Variants in LAMA2 observed in about 807,000 individuals in gnomAD.
LAMA2 encodes the protein laminin subunit alpha 2.
A neutral mutation model predicts 364.8 loss-of-function variants in LAMA2; 269 were observed. The ratio of observed to expected loss-of-function variants is 0.74; its 90% CI spans 0.67 to 0.82. The LOEUF (loss-of-function observed/expected upper bound fraction) is 0.82. LAMA2 is among the 40% of genes least tolerant of loss of function. LAMA2 has a pLI of 0.00. For missense variants in LAMA2, 3,807 were observed against 3,873.2 expected (o/e 0.98, Z 0.45); for synonymous variants, 1,379 against 1,370.6 (o/e 1.01, Z -0.14).
chr6:129,429,267 CTT>C (rs1245828628), intron 41 of LAMA2, among the ~76,000 whole-genome samples: 1 of 152,110 alleles, frequency 6.6e-6, no homozygotes, highest in Non-Finnish European at 1.5e-5. Flanking sequence ...ATTTTTAAAA[CTT>C]TTTTATTGAT....
At chr6:128,908,560 A>G (rs1777661060) in intron 1 of LAMA2, among the ~76,000 whole-genome samples, 1 of 138,268 alleles carries the variant, frequency 7.2e-6, no homozygotes, top group Non-Finnish European at 1.6e-5. Context: ...CGGTCTATCA[A>G]TTTTGTTGAT....
intron 1 of LAMA2, among the ~76,000 whole-genome samples, chr6:128,980,432 C>T (rs9492172): frequency 0.16 from 25,058 of 152,064 alleles, 3,078 homozygotes; most frequent in African/African-American, 0.34. Context: ...TTGTAGGGTA[C>T]GCACGTGACC....
intron 31 of LAMA2, among the ~76,000 whole-genome samples, chr6:129,352,624 T>C (rs1238988512): frequency 6.6e-6 from 1 of 152,156 alleles, no homozygotes; most frequent in Non-Finnish European, 1.5e-5. Context: ...GAAGTCAATA[T>C]AGAATTGCAC....
intron 41 of LAMA2, among the ~76,000 whole-genome samples, chr6:129,430,040 A>T (rs1394412615): frequency 6.6e-6 from 1 of 152,202 alleles, no homozygotes; most frequent in Admixed American, 6.5e-5. Context: ...TCAAGTAATA[A>T]TTCCTCTAGA....
chr6:128,961,611 C>T (rs1194511009), intron 1 of LAMA2, among the ~76,000 whole-genome samples: 1 of 148,246 alleles, frequency 6.7e-6, no homozygotes, highest in Non-Finnish European at 1.5e-5. Context: ...GCCAGTCTCT[C>T]CTTTTCACAT....
At chr6:129,219,788 G>A (rs937317598) in intron 12 of LAMA2, among the ~76,000 whole-genome samples, 6 of 122,760 alleles carry the variant, frequency 4.9e-5, no homozygotes, top group East Asian at 2.7e-4. Flanking sequence ...GAGAACACAT[G>A]GACACAGGAA....
intron 4 of LAMA2, among the ~76,000 whole-genome samples, chr6:129,128,080 A>G (rs1021111932): frequency 9.2e-5 from 14 of 152,156 alleles, no homozygotes; most frequent in African/African-American, 2.9e-4. Context: ...ACCCAGATCA[A>G]TGTCATATAC....
intron 1 of LAMA2, among the ~76,000 whole-genome samples, chr6:128,957,999 G>A (rs1289913941): frequency 1.3e-5 from 2 of 151,874 alleles, no homozygotes; most frequent in Admixed American, 6.6e-5. Flanking sequence ...ATTCCAGTAG[G>A]TTCTTAATAG....
chr6:129,433,525 C>G (rs1409661166), intron 41 of LAMA2, among the ~76,000 whole-genome samples: 2 of 152,088 alleles, frequency 1.3e-5, no homozygotes, highest in Non-Finnish European at 2.9e-5. Flanking sequence ...TGAATTTCAC[C>G]CTTGTGAATG....
At chr6:129,167,691 T>G (rs1029221624) in intron 9 of LAMA2, among the ~76,000 whole-genome samples, 1 of 152,200 alleles carries the variant, frequency 6.6e-6, no homozygotes, top group East Asian at 1.9e-4. Context: ...ATGGGATGGC[T>G]GGGTCAAAGG....
At chr6:129,354,695 A>T (rs1219552458) in intron 32 of LAMA2, among the ~76,000 whole-genome samples, 1 of 152,180 alleles carries the variant, frequency 6.6e-6, no homozygotes, top group African/African-American at 2.4e-5. Flanking sequence ...TGTTAAGCAC[A>T]AAAATTAAAC....
chr6:129,178,856 T>G (rs1457381319), intron 10 of LAMA2, among the ~76,000 whole-genome samples: 1 of 151,954 alleles, frequency 6.6e-6, no homozygotes, highest in East Asian at 1.9e-4. Context: ...GGGACAAGAA[T>G]GTCTGGAAAT....
At chr6:129,313,681 A>T (rs1448323938) in intron 23 of LAMA2, among the ~76,000 whole-genome samples, 3 of 152,212 alleles carry the variant, frequency 2.0e-5, no homozygotes, top group African/African-American at 7.2e-5. Context: ...TTCCCCTCAG[A>T]TAGTTCTGAA....
At chr6:129,155,538 T>C (rs1779061753) in intron 8 of LAMA2, among the ~76,000 whole-genome samples, 1 of 152,106 alleles carries the variant, frequency 6.6e-6, no homozygotes, top group African/African-American at 2.4e-5. Flanking sequence ...CTAAATATTT[T>C]TTTATCCTAA....
intron 4 of LAMA2, among the ~76,000 whole-genome samples, chr6:129,133,529 G>A (rs1315183264): frequency 6.6e-6 from 1 of 152,116 alleles, no homozygotes; most frequent in Non-Finnish European, 1.5e-5. Flanking sequence ...GAGTTGGTAG[G>A]CAAGTGTCAG....
intron 1 of LAMA2, among the ~76,000 whole-genome samples, chr6:129,007,481 C>G (rs991027500): frequency 2.0e-5 from 3 of 152,136 alleles, no homozygotes; most frequent in Non-Finnish European, 2.9e-5. Context: ...AAATTGCTTT[C>G]AAAATGTAAA....
chr6:129,121,489 G>A (rs1277164445), intron 4 of LAMA2, among the ~76,000 whole-genome samples: 1 of 152,074 alleles, frequency 6.6e-6, no homozygotes, highest in Non-Finnish European at 1.5e-5. Context: ...TGTATCTTCT[G>A]TGTGTTTTCA....
intron 4 of LAMA2, among the ~76,000 whole-genome samples, chr6:129,127,479 A>G (rs372042488): frequency 7.2e-5 from 11 of 152,206 alleles, no homozygotes; most frequent in Non-Finnish European, 1.6e-4. Flanking sequence ...TGCAGTGAAC[A>G]TGGGAGTGCA....
intron 12 of LAMA2, among the ~76,000 whole-genome samples, chr6:129,234,555 G>A (rs1204032742): frequency 6.6e-6 from 1 of 152,168 alleles, no homozygotes; most frequent in East Asian, 1.9e-4. Context: ...TTCATAATAA[G>A]AAATCCATTA....
Sources: gnomAD v4.1 joint callset for allele counts (sites outside exome capture counted in the v4.1 genomes callset) on GRCh38, gnomAD v4.1.1 for gene constraint, MANE v1.5 for transcripts, NCBI Gene and HGNC (gene_info 2026-07-23, HGNC 2026-07-21) for gene names.